Variants in VWDE observed in about 807,000 individuals in gnomAD.
The protein encoded by VWDE is von Willebrand factor D and EGF domains.
Under a neutral mutation model 178.4 loss-of-function variants are expected in VWDE, and 207 were observed. That is an observed-to-expected ratio of 1.16 (90% CI 1.04 to 1.30). VWDE has a LOEUF of 1.30. VWDE is among the 50% of genes most tolerant of loss of function. VWDE has a pLI of 0.00. For synonymous variants in VWDE, 738 were observed against 651.4 expected (o/e 1.13, Z -2.02); for missense variants, 2,287 against 1,901.3 (o/e 1.20, Z -3.77).
At chr7:12,358,116 C>A (rs1421943508) in intron 16 of VWDE, among the ~76,000 whole-genome samples, 1 of 152,110 alleles carries the variant, frequency 6.6e-6, no homozygotes, top group Non-Finnish European at 1.5e-5. Flanking sequence ...GTGGCTCACA[C>A]CTGTAATCCC....
Position 12,359,676 on chromosome 7 carries a change from A to G in VWDE, c.3176T>C (p.Ile1059Thr). 6.5e-7 allele frequency: 1 copy of G among 1,546,110 alleles called. No individual in the cohort carries two copies. The highest frequency in any genetic ancestry group is 1.4e-5 in the African/African-American group (1 of 72,888). The stretch of plus-strand genomic sequence containing the variant: ...TCCTTCAACATAGCAGAGTCCATCA[A>G]TAATGCAAACATTTTCCTAATGGAA... ...SCTIKENVCIIDGLCYVEGDK... is the reference protein window; with the variant it reads ...SCTIKENVCITDGLCYVEGDK... The change falls in exon 16 of 29, where the codon ATT becomes ACT. Residue 1059 changes from isoleucine (I) to threonine (T), a missense_variant. Physicochemically the swap from Ile to Thr is moderately conservative, Grantham distance 89. Coordinates refer to ENST00000275358, the MANE Select transcript of VWDE (RefSeq NM_001135924.3).
chr7:12,380,778 G>A lies in VWDE; in HGVS notation c.542-45C>T, dbSNP rs1360690246. 4 of 1,544,408 alleles carry A rather than the reference G, an allele frequency of 2.6e-6. 1 individual carries two copies. In the South Asian group the frequency reaches 4.8e-5, roughly 19 times the overall value. On this transcript the variant is annotated intron_variant, in intron 4 of 28. Coordinates refer to ENST00000275358, the MANE Select transcript of VWDE (RefSeq NM_001135924.3). The stretch of plus-strand genomic sequence containing the variant: ...TTTGTAACTGGGAATCTTAGACAAT[G>A]GAGACTGGCTTATGGAAAAAGCACT...
At chr7:12,357,671 A>C (rs1389342507) in intron 16 of VWDE, among the ~76,000 whole-genome samples, 156 bp from the exon 17 acceptor site, 1 of 151,974 alleles carries the variant, frequency 6.6e-6, no homozygotes, top group African/African-American at 2.4e-5. Context: ...ATTCTGAGTA[A>C]GTTCAATTCC....
At chr7:12,389,941 T>C (rs1330631569) in intron 2 of VWDE, among the ~76,000 whole-genome samples, 3 of 152,152 alleles carry the variant, frequency 2.0e-5, no homozygotes, top group African/African-American at 7.2e-5. Context: ...GGTGGGCGGA[T>C]TGCCTGAGGT....
At chr7:12,378,957 C>A (rs1252368928) in intron 6 of VWDE, among the ~76,000 whole-genome samples, 1 of 152,144 alleles carries the variant, frequency 6.6e-6, no homozygotes, top group Non-Finnish European at 1.5e-5. Flanking sequence ...CCCACTTCTT[C>A]CACTGCTTAT....
intron 1 of VWDE, among the ~76,000 whole-genome samples, chr7:12,402,263 G>A (rs73288165): frequency 0.03 from 4,585 of 152,202 alleles, 238 homozygotes; most frequent in African/African-American, 0.1. Context: ...AATATACTCT[G>A]AATATACACA....
intron 23 of VWDE, among the ~76,000 whole-genome samples, chr7:12,341,501 A>G (rs1345373378): frequency 1.3e-5 from 2 of 151,972 alleles, no homozygotes; most frequent in South Asian, 2.1e-4. Flanking sequence ...GCATGGTGGC[A>G]TGCTCCTGTA....
chr7:12,375,390 C>A (rs564634139), intron 7 of VWDE, among the ~76,000 whole-genome samples, 163 bp from the exon 8 acceptor site: 37 of 152,092 alleles, frequency 2.4e-4, no homozygotes, highest in African/African-American at 8.7e-4. Flanking sequence ...TAAGCCAAAG[C>A]TATTGAATCT....
At chr7:12,363,525 C>G (rs1446731201) in intron 13 of VWDE, among the ~76,000 whole-genome samples, 1 of 151,898 alleles carries the variant, frequency 6.6e-6, no homozygotes, top group Non-Finnish European at 1.5e-5. Flanking sequence ...TAGCTAAAGA[C>G]TTGCTTAAAA....
chr7:12,361,431 C>T lies in VWDE; in HGVS notation c.2989G>A (p.Asp997Asn). The change falls in exon 14 of 29, where the codon GAT becomes AAT. Residue 997 changes from aspartate (D) to asparagine (N), a missense_variant. Physicochemically the swap from Asp to Asn is conservative, Grantham distance 23. Coordinates refer to ENST00000275358, the MANE Select transcript of VWDE (RefSeq NM_001135924.3). The part of the protein sequence containing the change: ...SRAVDCQLPT[D>N]VQQFDTMDLV... ...TCCATGGTATCAAACTGCTGAACATCAGTGGGCAGCTGACAATCAACAGCT... is the reference window on the plus strand; with the variant it reads ...TCCATGGTATCAAACTGCTGAACATTAGTGGGCAGCTGACAATCAACAGCT... 1 of 1,551,210 alleles carries T rather than the reference C, an allele frequency of 6.4e-7. No homozygotes were observed. Among genetic ancestry groups the T allele is most frequent in the Non-Finnish European group, 8.7e-7 (1 of 1,146,670 alleles).
At chr7:12,397,530 GT>G (rs1449825104) in intron 1 of VWDE, among the ~76,000 whole-genome samples, 1 of 152,080 alleles carries the variant, frequency 6.6e-6, no homozygotes, top group Admixed American at 6.6e-5. Context: ...TTATGACTAA[GT>G]TCTCAAAAGC....
intron 17 of VWDE, among the ~76,000 whole-genome samples, chr7:12,356,785 T>C (rs1782274167): frequency 6.6e-6 from 1 of 152,308 alleles, no homozygotes; most frequent in Admixed American, 6.5e-5. Flanking sequence ...GCAAAGGACA[T>C]ATAAAGGGTT....
chr7:12,363,910 T>C (rs1281945259), intron 13 of VWDE, among the ~76,000 whole-genome samples: 3 of 152,020 alleles, frequency 2.0e-5, no homozygotes, highest in Non-Finnish European at 4.4e-5. Context: ...GAGTGGAAAA[T>C]AGTTAATCTA....
chr7:12,343,293 A>G (rs1253488810), intron 21 of VWDE, 115 bp from the exon 22 acceptor site: 2 of 666,190 alleles, frequency 3.0e-6, no homozygotes, highest in African/African-American at 3.7e-5. Context: ...TAATACATTA[A>G]GCTCTCTTTT....
At position 12,370,376 on chromosome 7, in the gene VWDE, AT is replaced by A. The variant is rs1312283761; in HGVS notation, c.1929del (p.Ser644GlnfsTer18). ...PSSEDLDSVS[R>X]SEIALGCKDL... Reference sequence around the variant, plus strand: ...TCTTTGCAACCCAAGGCAATTTCTGATCGAGAAACACTGTCCAGATCTTCGG... The same window carrying A: ...TCTTTGCAACCCAAGGCAATTTCTGACGAGAAACACTGTCCAGATCTTCGG... On this transcript the variant is annotated frameshift_variant, in exon 12 of 29. Transcript: ENST00000275358. LOFTEE classifies it high-confidence loss of function. The A allele has an allele frequency of 3.2e-6, 5 of 1,550,674 alleles. No individual in the cohort carries two copies. In the African/African-American group the frequency reaches 6.8e-5, roughly 21 times the overall value.
intron 13 of VWDE, among the ~76,000 whole-genome samples, chr7:12,364,136 G>A (rs1583307936): frequency 6.6e-6 from 1 of 152,162 alleles, no homozygotes; most frequent in Middle Eastern, 3.4e-3. Context: ...TGAACCTTAT[G>A]GCACTGCACT....
chr7:12,371,601 C>A (rs1027850970), intron 10 of VWDE, among the ~76,000 whole-genome samples: 6 of 151,810 alleles, frequency 4.0e-5, no homozygotes, highest in African/African-American at 1.5e-4. Flanking sequence ...CTCTTTTTTT[C>A]TCTTTTTACA....
chr7:12,341,924 G>C (rs1468004751), intron 23 of VWDE, 135 bp downstream of exon 23: 2 of 589,338 alleles, frequency 3.4e-6, no homozygotes, highest in East Asian at 2.8e-5. Context: ...TTAAAAATCT[G>C]TCTGAAATAA....
chr7:12,336,782 A>G (rs1164261898), intron 26 of VWDE, among the ~76,000 whole-genome samples: 1 of 152,200 alleles, frequency 6.6e-6, no homozygotes, highest in Non-Finnish European at 1.5e-5. Flanking sequence ...AATACAAGAT[A>G]TCCTCTTCTG....
Sources: allele counts gnomAD v4.1 joint callset (sites outside exome capture counted in the v4.1 genomes callset), GRCh38; gene constraint gnomAD v4.1.1; transcripts MANE v1.5; gene names NCBI Gene and HGNC (gene_info 2026-07-23, HGNC 2026-07-21).